STAB2: variants seen among roughly 807,000 people sequenced by gnomAD.
The protein encoded by STAB2 is stabilin-2.
STAB2 carries 288 observed loss-of-function variants against 338.1 expected under a neutral mutation model. The observed-to-expected ratio is 0.85, with a 90% CI of 0.77 to 0.94. STAB2 has a LOEUF of 0.94. STAB2 is among the 40% of genes least tolerant of loss of function. The probability of loss-of-function intolerance (pLI) is 0.00; values close to 1 mark genes in which losing one functional copy is unlikely to be tolerated. For synonymous variants in STAB2, 1,202 were observed against 1,193.3 expected (o/e 1.01, Z -0.15); for missense variants, 3,141 against 3,210.1 (o/e 0.98, Z 0.52).
At chr12:103,663,956 G>A (rs1416172445) in intron 18 of STAB2, among the ~76,000 whole-genome samples, 1 of 152,068 alleles carries the variant, frequency 6.6e-6, no homozygotes, top group Admixed American at 6.6e-5. Flanking sequence ...ACTGTAAGAG[G>A]GACTTAAAAT....
chr12:103,672,309 A>C (rs928178966), intron 22 of STAB2, among the ~76,000 whole-genome samples: 1 of 152,184 alleles, frequency 6.6e-6, no homozygotes, highest in Non-Finnish European at 1.5e-5. Context: ...AGAGGAAGAA[A>C]AAAATCAGGG....
chr12:103,737,594 CTCTCTCTTTCTCTT>C, intron 52 of STAB2, 26 bp from the exon 53 acceptor site: 2 of 1,393,884 alleles, frequency 1.4e-6, no homozygotes, highest in African/African-American at 1.5e-5. Flanking sequence ...CTCTCTCTCT[CTCTCTCTTTCTCTT>C]TTTTTTTTTT....
At chr12:103,741,265 C>T (rs139359894) in intron 55 of STAB2, among the ~76,000 whole-genome samples, 1 of 152,274 alleles carries the variant, frequency 6.6e-6, no homozygotes, top group Non-Finnish European at 1.5e-5. Context: ...TCTGAAACCC[C>T]TGTGTTAACT....
chr12:103,735,603 G>T, intron 52 of STAB2, 23 bp downstream of exon 52: 2 of 1,464,996 alleles, frequency 1.4e-6, no homozygotes, highest in Non-Finnish European at 1.9e-6. Flanking sequence ...ATGAAGGGTG[G>T]GCAGGGAGGG....
chr12:103,637,530 T>C (rs1459150958), intron 7 of STAB2, among the ~76,000 whole-genome samples: 2 of 152,248 alleles, frequency 1.3e-5, no homozygotes, highest in African/African-American at 4.8e-5. Flanking sequence ...TAAAAAGCTG[T>C]ATTATGTATC....
chr12:103,656,978 G>A (rs1309558885), intron 15 of STAB2, among the ~76,000 whole-genome samples: 16 of 152,108 alleles, frequency 1.1e-4, no homozygotes, highest in Admixed American at 8.5e-4. Flanking sequence ...GAGCCACCGC[G>A]CCCGGCCAGG....
chr12:103,761,242 C>T, intron 65 of STAB2, 58 bp from the exon 66 acceptor site: 7 of 1,530,286 alleles, frequency 4.6e-6, no homozygotes, highest in Non-Finnish European at 6.3e-6. Context: ...AACTTCCCTC[C>T]ATGGAGGGCT....
rs770398921 is a variant in STAB2 at position 103,727,375 on chromosome 12, G to C, written c.4935+25G>C. The C allele has an allele frequency of 3.1e-6, 5 of 1,612,350 alleles. 1 individual carries two copies. In the South Asian group the frequency reaches 4.4e-5, roughly 14 times the overall value. Reference sequence around the variant, plus strand: ...GGTGAGCATGAGACTGTGGGCAGAAGGGGGAGGTCTGCGGCTGGAACATAG... The same window carrying C: ...GGTGAGCATGAGACTGTGGGCAGAACGGGGAGGTCTGCGGCTGGAACATAG... On this transcript the variant is annotated intron_variant, in intron 47 of 68. Coordinates refer to ENST00000388887, the MANE Select transcript of STAB2 (RefSeq NM_017564.10).
chr12:103,672,609 C>G (rs1183292602), intron 22 of STAB2, among the ~76,000 whole-genome samples: 1 of 152,190 alleles, frequency 6.6e-6, no homozygotes, highest in Non-Finnish European at 1.5e-5. Context: ...ATTCCTCTCC[C>G]ATGAGTCCCT....
At chr12:103,672,989 G>A (rs993780257) in intron 22 of STAB2, among the ~76,000 whole-genome samples, 1 of 152,150 alleles carries the variant, frequency 6.6e-6, no homozygotes, top group African/African-American at 2.4e-5. Flanking sequence ...AAAAATGGGG[G>A]ATATAAAAGT....
rs1174361582 is a variant in STAB2 at position 103,652,711 on chromosome 12, G to T, written c.1407+6G>T. 1 of 1,571,828 alleles carries T rather than the reference G, an allele frequency of 6.4e-7. No individual in the cohort carries two copies. Among genetic ancestry groups the T allele is most frequent in the Non-Finnish European group, 8.6e-7 (1 of 1,160,008 alleles). The stretch of plus-strand genomic sequence containing the variant: ...AAATCTTCAACAGCGATAAGGTAAG[G>T]GTTCCTCTGATTTTCACTCCCAGAA... On this transcript the variant is annotated splice_donor_region_variant and intron_variant, in intron 12 of 68. Transcript: ENST00000388887.
At chr12:103,743,013 A>AT (rs59446243) in intron 56 of STAB2, among the ~76,000 whole-genome samples, 20 of 120,140 alleles carry the variant, frequency 1.7e-4, no homozygotes, top group South Asian at 6.5e-4. Flanking sequence ...AGAGCCAGCA[A>AT]TTTTTTTTTC....
chr12:103,665,973 C>T (rs1039346782), intron 18 of STAB2, among the ~76,000 whole-genome samples: 13 of 152,198 alleles, frequency 8.5e-5, no homozygotes, highest in Non-Finnish European at 1.3e-4. Flanking sequence ...GGGGCAGGTG[C>T]CTCCCTGCAT....
intron 51 of STAB2, among the ~76,000 whole-genome samples, chr12:103,733,774 G>C (rs902218279): frequency 1.3e-5 from 2 of 151,962 alleles, no homozygotes; most frequent in African/African-American, 4.8e-5. Context: ...TGATCATATA[G>C]GAACATATAT....
rs186113229 is a variant in STAB2 at position 103,739,356 on chromosome 12, T to A, written c.5698-56T>A. Reference sequence around the variant, plus strand: ...CCATCCAGGTATTAATCAGGAACATTTCCTTGTGTTTTCTGATATTCTTGG... The same window carrying A: ...CCATCCAGGTATTAATCAGGAACATATCCTTGTGTTTTCTGATATTCTTGG... On this transcript the variant is annotated intron_variant, in intron 53 of 68. Coordinates refer to ENST00000388887, the MANE Select transcript of STAB2 (RefSeq NM_017564.10). 2.7e-6 allele frequency: 4 copies of A among 1,479,122 alleles called. No homozygotes were observed. The African/African-American group carries it at 5.7e-5, about 21-fold the overall frequency. The allele number at this position is 1,479,122 out of a possible 1,614,324, so 91.6% of individuals were successfully genotyped here.
chr12:103,647,875 T>C (rs1335400805), intron 9 of STAB2, among the ~76,000 whole-genome samples: 2 of 152,244 alleles, frequency 1.3e-5, no homozygotes, highest in Non-Finnish European at 2.9e-5. Flanking sequence ...ATTTCATAGT[T>C]TGTATATTTA....
chr12:103,708,905 A>C (rs1369376277), intron 39 of STAB2, among the ~76,000 whole-genome samples: 3 of 152,154 alleles, frequency 2.0e-5, no homozygotes, highest in Admixed American at 6.5e-5. Context: ...TTAATTTGTA[A>C]TCTCCACAAA....
rs1305339965 is a variant in STAB2 at position 103,685,072 on chromosome 12, A to T, written c.2985A>T (p.Gly995=). Residue 995 remains glycine, a synonymous_variant, in exon 27 of 69, where the codon GGA becomes GGT. Transcript: ENST00000388887. ...AAGGAGATGGCTTTCTGTGCTATGG[A>T]AACGCAGCAGTGGTAAGTCATCGAT... ...GYEGDGFLCY[G]NAAVELSFLS... 6.2e-7 allele frequency: 1 copy of T among 1,613,924 alleles called. No individual in the cohort carries two copies. The highest frequency in any genetic ancestry group is 1.1e-5 in the South Asian group (1 of 91,076).
chr12:103,600,263 A>G lies in STAB2; in HGVS notation c.331+5753A>G, dbSNP rs549061573. On this transcript the variant is annotated intron_variant, in intron 3 of 68. Coordinates refer to ENST00000388887, the MANE Select transcript of STAB2 (RefSeq NM_017564.10). ...GTCCCATATGTGTATTGTTTTTCTC[A>G]TGATTGTCTGCCTTTCTATGGGTGG... Among the ~76,000 whole-genome samples, 7 of 152,236 alleles carry G rather than the reference A, an allele frequency of 4.6e-5. No individual in the cohort carries two copies. The East Asian group carries it at 1.4e-3, about 29-fold the overall frequency.
Sources: allele counts gnomAD v4.1 joint callset (sites outside exome capture counted in the v4.1 genomes callset), GRCh38; gene constraint gnomAD v4.1.1; transcripts MANE v1.5; gene names NCBI Gene and HGNC (gene_info 2026-07-23, HGNC 2026-07-21).